The following ENTREP3 variants were observed in gnomAD, a reference collection of about 807,000 sequenced individuals.
ENTREP3 encodes the protein endosomal transmembrane epsin interactor 3, also known as protein ENTREP3.
At chr1:155,248,475 TG>T in the ENTREP3 span, 2 of 1,613,306 alleles carry the variant, frequency 1.2e-6, no homozygotes, top group South Asian at 2.2e-5. Flanking sequence ...TGAAGTCAGC[TG>T]GGGAGAAGAG....
the ENTREP3 span, chr1:155,250,182 C>G: frequency 4.3e-6 from 5 of 1,156,366 alleles, no homozygotes; most frequent in Non-Finnish European, 6.0e-6. The surrounding 1 kb of genome is among the most constrained non-coding windows in gnomAD (Gnocchi z 5.4). Flanking sequence ...CCTCAGGGAC[C>G]TCAACTGTGC....
chr1:155,253,851 A>C, the ENTREP3 span: 1 of 1,613,120 alleles, frequency 6.2e-7, no homozygotes, highest in Non-Finnish European at 8.5e-7. Flanking sequence ...TGCAGGGTGC[A>C]AGCTCACCTT....
chr1:155,248,229 C>T, the ENTREP3 span: 13 of 1,606,284 alleles, frequency 8.1e-6, no homozygotes, highest in Admixed American at 5.0e-5. Context: ...CGCCGTTTCT[C>T]GGCTGACCGG....
At chr1:155,252,729 T>A in the ENTREP3 span, 2 of 77,422 alleles carry the variant, frequency 2.6e-5, no homozygotes, top group South Asian at 4.9e-4. Flanking sequence ...TATATTTTTT[T>A]TTTTTTTTTT....
At chr1:155,247,318 T>C in the ENTREP3 span, 6 of 456,030 alleles carry the variant, frequency 1.3e-5, no homozygotes, top group African/African-American at 1.2e-4. Context: ...TGGGGTTACA[T>C]AGCTTGCCCA....
chr1:155,247,903 C>G, the ENTREP3 span: 4 of 1,587,014 alleles, frequency 2.5e-6, no homozygotes, highest in Middle Eastern at 6.7e-4. Flanking sequence ...ATCTCCGCAG[C>G]TGCGAAGGTG....
the ENTREP3 span, chr1:155,251,122 A>G: frequency 6.2e-7 from 1 of 1,612,598 alleles, no homozygotes; most frequent in East Asian, 2.2e-5. Flanking sequence ...ACTCGTTCAC[A>G]GATGCACGAG....
the ENTREP3 span, chr1:155,250,826 G>A: frequency 1.3e-6 from 2 of 1,591,154 alleles, no homozygotes; most frequent in Non-Finnish European, 1.7e-6. The surrounding 1 kb of genome is among the most constrained non-coding windows in gnomAD (Gnocchi z 5.4). Flanking sequence ...TGGACACTGT[G>A]GGCGGCAGGG....
At chr1:155,254,684 T>C in the ENTREP3 span, 1 of 1,610,362 alleles carries the variant, frequency 6.2e-7, no homozygotes, top group Admixed American at 1.7e-5. This position sits in a 1 kb window ranked among gnomAD's most constrained non-coding sequence, Gnocchi z 4.4. Flanking sequence ...GCAGGACCTC[T>C]TGATGCTCTC....
chr1:155,250,761 C>A, the ENTREP3 span: 1 of 1,612,206 alleles, frequency 6.2e-7, no homozygotes, highest in South Asian at 1.1e-5. The surrounding 1 kb of genome is among the most constrained non-coding windows in gnomAD (Gnocchi z 5.4). Context: ...CTCCGACGGG[C>A]TAGAGCCCCC....
chr1:155,247,847 G>T, the ENTREP3 span: 81 of 1,498,176 alleles, frequency 5.4e-5, no homozygotes, highest in East Asian at 1.7e-3. Context: ...CCACGCTCCA[G>T]CCTGCGGCCA....
At chr1:155,251,182 T>G in the ENTREP3 span, 1 of 1,583,550 alleles carries the variant, frequency 6.3e-7, no homozygotes, top group Non-Finnish European at 8.6e-7. Context: ...AGACACAGGG[T>G]CAAGGGTTCA....
the ENTREP3 span, chr1:155,247,936 C>A: frequency 1.2e-6 from 2 of 1,600,662 alleles, no homozygotes; most frequent in East Asian, 4.5e-5. Flanking sequence ...GCCAGGCCGG[C>A]CCCACAGGCT....
chr1:155,251,440 G>A, the ENTREP3 span: 2 of 1,226,374 alleles, frequency 1.6e-6, no homozygotes, highest in Non-Finnish European at 2.4e-6. Flanking sequence ...GCTACAGCCT[G>A]TTCAGCTTTC....
chr1:155,253,287 C>T, the ENTREP3 span: 5 of 223,208 alleles, frequency 2.2e-5, no homozygotes, highest in Admixed American at 1.1e-4. Context: ...TCAGGTGATC[C>T]GCCTGCCTGG....
At chr1:155,248,473 G>C in the ENTREP3 span, 1 of 1,613,358 alleles carries the variant, frequency 6.2e-7, no homozygotes, top group Non-Finnish European at 8.5e-7. Context: ...CCTGAAGTCA[G>C]CTGGGGAGAA....
chr1:155,250,360 G>C, the ENTREP3 span: 2 of 1,546,178 alleles, frequency 1.3e-6, no homozygotes, highest in African/African-American at 1.4e-5. This position sits in a 1 kb window ranked among gnomAD's most constrained non-coding sequence, Gnocchi z 5.4. Context: ...TGAGGAGGCC[G>C]GTGCCCCGGT....
the ENTREP3 span, chr1:155,250,332 G>A: frequency 2.6e-6 from 4 of 1,547,624 alleles, no homozygotes; most frequent in Non-Finnish European, 3.5e-6. This position sits in a 1 kb window ranked among gnomAD's most constrained non-coding sequence, Gnocchi z 5.4. Context: ...CAGCAGCAGC[G>A]GTGGTGGGGA....
At chr1:155,253,783 AT>A in the ENTREP3 span, 6 of 1,609,576 alleles carry the variant, frequency 3.7e-6, no homozygotes, top group Admixed American at 6.9e-5. Flanking sequence ...AGTTCCACAC[AT>A]TATGGGCCTG....
Sources: gnomAD v4.1 joint callset for allele counts on GRCh38, gnomAD v4.1.1 for gene constraint, Gnocchi (gnomAD v3.1) non-coding constraint, MANE v1.5 for transcripts, NCBI Gene and HGNC (gene_info 2026-07-23, HGNC 2026-07-21) for gene names.